The following DEUP1 variants were observed in gnomAD, a reference collection of about 807,000 sequenced individuals.
DEUP1 encodes the protein deuterosome assembly protein 1, also known as coiled-coil domain containing 67.
DEUP1 carries 82 observed loss-of-function variants against 87.4 expected under a neutral mutation model. That is an observed-to-expected ratio of 0.94 (90% CI 0.78 to 1.13). The LOEUF (loss-of-function observed/expected upper bound fraction) is 1.13. Ranked by LOEUF, DEUP1 falls within the 50% of genes most tolerant of loss-of-function variation. The pLI, the probability that DEUP1 is intolerant of heterozygous loss-of-function variation, is 0.00. For synonymous variants in DEUP1, 214 were observed against 222.7 expected (o/e 0.96, Z 0.35); for missense variants, 663 against 681.5 (o/e 0.97, Z 0.30).
intron 7 of DEUP1, among the ~76,000 whole-genome samples, chr11:93,377,925 T>C (rs60161288): frequency 1.5e-3 from 223 of 152,278 alleles, no homozygotes; most frequent in African/African-American, 5.1e-3. Context: ...AGCCTAAAGA[T>C]AGGATCCCAA....
intron 4 of DEUP1, among the ~76,000 whole-genome samples, chr11:93,362,569 T>C (rs1477548414): frequency 2.0e-5 from 3 of 151,836 alleles, no homozygotes; most frequent in Non-Finnish European, 2.9e-5. Context: ...GGAGAGGATA[T>C]GGAGACATTG....
intron 7 of DEUP1, among the ~76,000 whole-genome samples, chr11:93,381,439 C>A (rs1946299283): frequency 1.3e-5 from 2 of 152,120 alleles, no homozygotes; most frequent in South Asian, 2.1e-4. Context: ...ATGTAAAATT[C>A]TCTTTGTTTA....
chr11:93,368,170 T>C (rs545338329), intron 5 of DEUP1, among the ~76,000 whole-genome samples: 1 of 152,366 alleles, frequency 6.6e-6, no homozygotes, highest in African/African-American at 2.4e-5. Flanking sequence ...TTCTACCATT[T>C]CTTTCCCAGT....
At chr11:93,395,500 A>C (rs958110053) in intron 10 of DEUP1, among the ~76,000 whole-genome samples, 1 of 152,198 alleles carries the variant, frequency 6.6e-6, no homozygotes, top group Non-Finnish European at 1.5e-5. Flanking sequence ...CAGATGGGAT[A>C]ATCTCTTTGG....
chr11:93,371,692 G>A (rs994594557), intron 7 of DEUP1, among the ~76,000 whole-genome samples: 10 of 152,228 alleles, frequency 6.6e-5, no homozygotes, highest in African/African-American at 2.4e-4. Flanking sequence ...CTATGGAGAT[G>A]ACTCCAGTGA....
intron 7 of DEUP1, among the ~76,000 whole-genome samples, chr11:93,377,787 A>G (rs1946107588): frequency 6.6e-6 from 1 of 151,612 alleles, no homozygotes; most frequent in South Asian, 2.1e-4. Context: ...GTGCCTTTTA[A>G]TGTTGGCTTG....
chr11:93,389,078 T>C lies in DEUP1; in HGVS notation c.994T>C (p.Phe332Leu). The change falls in exon 9 of 14, where the codon TTT (phenylalanine) becomes CTT (leucine). Residue 332 changes from phenylalanine to leucine, a missense_variant. Physicochemically the swap from Phe to Leu is conservative, Grantham distance 22. Transcript: ENST00000298050. ...ACCAGAAAGGAAAATAAAAGAGCTG[T>C]TTTCAGTGATGCAAGATCAACCAAA... Reference protein sequence around the residue: ...KEPERKIKELFSVMQDQPNHE... With the variant: ...KEPERKIKELLSVMQDQPNHE... The C allele has an allele frequency of 6.2e-7, 1 of 1,604,346 alleles. No individual in the cohort carries two copies. Among genetic ancestry groups the C allele is most frequent in the Non-Finnish European group, 8.5e-7 (1 of 1,175,478 alleles).
At chr11:93,419,792 C>G (rs1342019953) in intron 13 of DEUP1, among the ~76,000 whole-genome samples, 1 of 151,424 alleles carries the variant, frequency 6.6e-6, no homozygotes, top group East Asian at 1.9e-4. Flanking sequence ...GAGAAATTTT[C>G]CTTCTCATGT....
chr11:93,402,742 TTA>T (rs1947156662), intron 11 of DEUP1, among the ~76,000 whole-genome samples: 1 of 151,972 alleles, frequency 6.6e-6, no homozygotes. Context: ...CTAGAGGTCA[TTA>T]TGTTAAGTGA....
chr11:93,434,246 C>T (rs1286635473), intron 13 of DEUP1, among the ~76,000 whole-genome samples: 1 of 152,160 alleles, frequency 6.6e-6, no homozygotes, highest in Non-Finnish European at 1.5e-5. Context: ...AGCCACAGCC[C>T]CTCATGCTGC....
intron 5 of DEUP1, among the ~76,000 whole-genome samples, chr11:93,369,416 C>T (rs571988755): frequency 8.0e-5 from 12 of 149,608 alleles, no homozygotes; most frequent in Admixed American, 2.0e-4. Context: ...AAAAATATTT[C>T]GTGTCAAGAA....
intron 13 of DEUP1, among the ~76,000 whole-genome samples, chr11:93,419,270 T>C (rs1372902112): frequency 6.6e-6 from 1 of 151,990 alleles, no homozygotes. Flanking sequence ...CCAAGGCTTA[T>C]ACAGCTTCAG....
intron 7 of DEUP1, among the ~76,000 whole-genome samples, chr11:93,381,291 A>G (rs1946292823): frequency 1.3e-5 from 2 of 152,206 alleles, no homozygotes; most frequent in African/African-American, 4.8e-5. Context: ...ATTAGAGGTA[A>G]CTGATACTAT....
chr11:93,340,711 T>C (rs1944025797), intron 2 of DEUP1, among the ~76,000 whole-genome samples: 1 of 152,138 alleles, frequency 6.6e-6, no homozygotes, highest in African/African-American at 2.4e-5. Context: ...TAGCTGACAA[T>C]GTTATAGATC....
chr11:93,356,687 C>T (rs1177293313), intron 3 of DEUP1, among the ~76,000 whole-genome samples: 1 of 152,030 alleles, frequency 6.6e-6, no homozygotes, highest in Admixed American at 6.6e-5. Flanking sequence ...AAATTCTAAC[C>T]CTGAATTTTA....
chr11:93,408,794 C>T (rs377483487), intron 12 of DEUP1, among the ~76,000 whole-genome samples: 1 of 152,102 alleles, frequency 6.6e-6, no homozygotes, highest in Non-Finnish European at 1.5e-5. Flanking sequence ...GAACATGTCA[C>T]TTTTCACCTA....
chr11:93,336,988 A>T (rs1447148308), intron 2 of DEUP1, among the ~76,000 whole-genome samples: 1 of 152,160 alleles, frequency 6.6e-6, no homozygotes. Context: ...TCTCTACTGA[A>T]TCTTTTACTG....
intron 11 of DEUP1, among the ~76,000 whole-genome samples, chr11:93,399,093 T>G (rs532792949): frequency 6.6e-6 from 1 of 152,190 alleles, no homozygotes; most frequent in Non-Finnish European, 1.5e-5. Context: ...TTTTTGGCCA[T>G]GCAAAATGCT....
At chr11:93,390,083 T>C (rs1261177922) in intron 9 of DEUP1, among the ~76,000 whole-genome samples, 1 of 152,320 alleles carries the variant, frequency 6.6e-6, no homozygotes, top group African/African-American at 2.4e-5. Flanking sequence ...ACCTCTCTGG[T>C]CTTTAGGTTT....
Sources: allele counts gnomAD v4.1 joint callset (sites outside exome capture counted in the v4.1 genomes callset), GRCh38; gene constraint gnomAD v4.1.1; transcripts MANE v1.5; gene names NCBI Gene and HGNC (gene_info 2026-07-23, HGNC 2026-07-21).